CENPN: variants seen among roughly 807,000 people sequenced by gnomAD.
CENPN encodes the protein centromere protein N, also known as interphase centromere complex protein 32.
In CENPN, 36 loss-of-function variants were observed where a neutral mutation model predicts 48.6. That is an observed-to-expected ratio of 0.74 (90% CI 0.57 to 0.98). CENPN has a LOEUF of 0.98. Ranked by LOEUF, CENPN falls within the 50% of genes least tolerant of loss-of-function variation. The pLI, the probability that CENPN is intolerant of heterozygous loss-of-function variation, is 0.00. For synonymous variants in CENPN, 166 were observed against 135.2 expected (o/e 1.23, Z -1.58); for missense variants, 439 against 399.2 (o/e 1.10, Z -0.85).
At chr16:81,019,902 ATTTT>A (rs35505203) in intron 5 of CENPN, among the ~76,000 whole-genome samples, 194 bp from the exon 6 acceptor site, 1 of 145,562 alleles carries the variant, frequency 6.9e-6, no homozygotes, top group African/African-American at 2.5e-5. Flanking sequence ...ACTGAAAAGG[ATTTT>A]TTTTTTTTAA....
intron 1 of CENPN, among the ~76,000 whole-genome samples, chr16:81,010,301 G>A (rs773542202): frequency 3.9e-5 from 6 of 152,208 alleles, no homozygotes; most frequent in Non-Finnish European, 5.9e-5. Context: ...AGTAGCAGAC[G>A]TGAGATCAGC....
chr16:81,021,613 A>G (rs1481021379), intron 6 of CENPN, among the ~76,000 whole-genome samples: 2 of 152,110 alleles, frequency 1.3e-5, no homozygotes, highest in Non-Finnish European at 2.9e-5. Flanking sequence ...AATGGCAAAG[A>G]CTGCTACTCA....
intron 1 of CENPN, among the ~76,000 whole-genome samples, chr16:81,011,321 C>T (rs904991538): frequency 6.6e-6 from 1 of 152,154 alleles, no homozygotes; most frequent in Admixed American, 6.5e-5. Context: ...CCATTTTCTC[C>T]GGCACTCCTC....
chr16:81,028,926 G>T lies in CENPN; in HGVS notation c.*275G>T. 1 of 1,105,022 alleles carries T rather than the reference G, an allele frequency of 9.0e-7. No individual in the cohort carries two copies. 68.5% of individuals were successfully genotyped at this position (1,105,022 alleles called of 1,614,324 possible). On this transcript the variant is annotated 3_prime_UTR_variant, in exon 11 of 11. Transcript: ENST00000305850. Reference sequence around the variant, plus strand: ...CACACTTGACCTTGAGTGCCTGAATGCTCTGAAATCAAGCATATGGCACAG... The same window carrying T: ...CACACTTGACCTTGAGTGCCTGAATTCTCTGAAATCAAGCATATGGCACAG...
chr16:81,026,225 A>C (rs1970487819), intron 8 of CENPN, among the ~76,000 whole-genome samples: 1 of 150,268 alleles, frequency 6.7e-6, no homozygotes, highest in Non-Finnish European at 1.5e-5. Context: ...ATATATATAC[A>C]CATATATGCA....
rs755498791 is a variant in CENPN, at chr16:81,011,952, G to C, written c.13G>C (p.Val5Leu). The change falls in exon 2 of 11, where the codon GTT becomes CTT. Residue 5 changes from valine to leucine, a missense_variant. Coordinates refer to ENST00000305850, the MANE Select transcript of CENPN (RefSeq NM_001100624.3). Reference sequence around the variant, plus strand: ...AAGTGCCAAAGAGATGGATGAGACTGTTGCTGAGTTCATCAAGAGGACCAT... The same window carrying C: ...AAGTGCCAAAGAGATGGATGAGACTCTTGCTGAGTTCATCAAGAGGACCAT... MDET[V>L]AEFIKRTILK... 6.2e-7 allele frequency: 1 copy of C among 1,614,082 alleles called. No individual in the cohort carries two copies. The highest frequency in any genetic ancestry group is 8.5e-7 in the Non-Finnish European group (1 of 1,179,928).
At chr16:81,013,357 C>A (rs977598670) in intron 2 of CENPN, among the ~76,000 whole-genome samples, 1 of 152,112 alleles carries the variant, frequency 6.6e-6, no homozygotes, top group African/African-American at 2.4e-5. Context: ...AGCAGATCAG[C>A]GTTTGCCTTA....
chr16:81,015,245 T>G (rs1209469128), intron 3 of CENPN, among the ~76,000 whole-genome samples: 1 of 152,250 alleles, frequency 6.6e-6, no homozygotes, highest in Admixed American at 6.5e-5. Context: ...GTCTGTTTTT[T>G]TTATCAGAAG....
At chr16:81,018,632 C>G (rs1345786159) in intron 5 of CENPN, among the ~76,000 whole-genome samples, 2 of 152,112 alleles carry the variant, frequency 1.3e-5, no homozygotes, top group African/African-American at 4.8e-5. Context: ...CAGAATAAGA[C>G]AATCTTCCAT....
At chr16:81,028,100 G>T in intron 9 of CENPN, 71 bp from the exon 10 acceptor site, 1 of 1,176,234 alleles carries the variant, frequency 8.5e-7, no homozygotes, top group South Asian at 1.3e-5. Context: ...GTATCATTAT[G>T]ATTTCATTAT....
At position 81,017,751 on chromosome 16, in the gene CENPN, T is replaced by G. The variant is rs927543642; in HGVS notation, c.278-7T>G. The G allele has an allele frequency of 6.3e-7, 1 of 1,581,962 alleles. No homozygotes were observed. Among genetic ancestry groups the G allele is most frequent in the African/African-American group, 1.4e-5 (1 of 73,142 alleles). ...GATTTTTCTTTATTTTTTTTTCACT[T>G]TGGCAGGTGAAGATGTTGACCTTTT... is the stretch of plus-strand genomic sequence containing the variant. On this transcript the variant is annotated splice_polypyrimidine_tract_variant and splice_region_variant and intron_variant, in intron 4 of 10. Transcript: ENST00000305850.
Position 81,030,220 on chromosome 16 carries a change from C to G in CENPN, c.*1569C>G, listed in dbSNP as rs1970709270. 3 of 985,326 alleles carry G rather than the reference C, an allele frequency of 3.0e-6. No individual in the cohort carries two copies. Among genetic ancestry groups the G allele is most frequent in the South Asian group, 4.7e-5 (1 of 21,296 alleles). The allele number at this position is 985,326 out of a possible 1,614,324, so 61.0% of individuals were successfully genotyped here. The stretch of plus-strand genomic sequence containing the variant: ...AGCCAAACCATATCACAGGCATGAG[C>G]TACCACGCCCGCCAGCATGTCTTTT... On this transcript the variant is annotated 3_prime_UTR_variant, in exon 11 of 11. Transcript: ENST00000305850.
In CENPN at chr16:81,011,881, G is replaced by A. The variant is rs1410861567; in HGVS notation, c.-10-49G>A. 3 of 1,434,910 alleles carry A rather than the reference G, an allele frequency of 2.1e-6. No homozygotes were observed. The South Asian group carries it at 3.6e-5, about 17-fold the overall frequency. 88.9% of individuals were successfully genotyped at this position (1,434,910 alleles called of 1,614,324 possible). ...TGTATGTGTAAATAAAGACAGACAA[G>A]TATTGTATTTGGTTAATACTTTGTT... On this transcript the variant is annotated intron_variant, in intron 1 of 10. Coordinates refer to ENST00000305850, the MANE Select transcript of CENPN (RefSeq NM_001100624.3).
At chr16:81,019,508 A>G (rs759016995) in intron 5 of CENPN, among the ~76,000 whole-genome samples, 4 of 152,016 alleles carry the variant, frequency 2.6e-5, no homozygotes, top group East Asian at 1.9e-4. Flanking sequence ...ATAAGCCACA[A>G]CACCCAGCCT....
At chr16:81,032,438 C>A, downstream of CENPN, 1 of 848,126 alleles carries the variant, frequency 1.2e-6, no homozygotes, top group Non-Finnish European at 1.8e-6. Flanking sequence ...AGCGTCCACA[C>A]CCCATTGGGG....
At chr16:81,022,217 T>C (rs537427988) in intron 6 of CENPN, 1 of 233,592 alleles carries the variant, frequency 4.3e-6, no homozygotes, top group African/African-American at 2.4e-5. Context: ...TTCTTCAGTA[T>C]TTGCCAAAAA....
chr16:81,032,423 A>T, downstream of CENPN: 1 of 705,580 alleles, frequency 1.4e-6, no homozygotes, highest in Non-Finnish European at 2.4e-6. Flanking sequence ...GAAAAAGGGT[A>T]TATAAGCGTC....
intron 1 of CENPN, among the ~76,000 whole-genome samples, chr16:81,007,863 T>C (rs1451410803): frequency 6.6e-6 from 1 of 152,080 alleles, no homozygotes; most frequent in Non-Finnish European, 1.5e-5. Flanking sequence ...TCCCAACACT[T>C]TGGGAGACCG....
At chr16:81,022,814 C>T (rs780220938) in intron 7 of CENPN, 116 bp downstream of exon 7, 14 of 1,612,950 alleles carry the variant, frequency 8.7e-6, no homozygotes, top group Admixed American at 5.0e-5. Flanking sequence ...TAGATATTAC[C>T]GAAATGAAGA....
Sources: gnomAD v4.1 joint callset for allele counts (sites outside exome capture counted in the v4.1 genomes callset) on GRCh38, gnomAD v4.1.1 for gene constraint, MANE v1.5 for transcripts, NCBI Gene and HGNC (gene_info 2026-07-23, HGNC 2026-07-21) for gene names.